Variants in SGCD observed in about 807,000 individuals in gnomAD.
The protein encoded by SGCD is sarcoglycan delta.
SGCD carries 18 observed loss-of-function variants against 36.6 expected under a neutral mutation model. The ratio of observed to expected loss-of-function variants is 0.49; its 90% CI spans 0.34 to 0.73. The LOEUF (loss-of-function observed/expected upper bound fraction) is 0.73. Ranked by LOEUF, SGCD falls within the 30% of genes least tolerant of loss-of-function variation. The pLI is 0.01. For missense variants in SGCD, 387 were observed against 346.7 expected (o/e 1.12, Z -0.92); for synonymous variants, 133 against 130.6 (o/e 1.02, Z -0.12).
the SGCD span, among the ~76,000 whole-genome samples, chr5:155,794,545 A>G: frequency 6.6e-6 from 1 of 152,032 alleles, no homozygotes; most frequent in African/African-American, 2.4e-5. Flanking sequence ...TAATTATTCC[A>G]TAAATAAATT....
rs183170452 is a variant in SGCD, at chr5:156,607,886, G to C, written c.502+12835G>C. Among the ~76,000 whole-genome samples the C allele has an allele frequency of 2.6e-5, 4 of 152,230 alleles. No individual in the cohort carries two copies. The East Asian group carries it at 7.7e-4, about 29-fold the overall frequency. On this transcript the variant is annotated intron_variant, in intron 6 of 8. Transcript: ENST00000337851. ...AGTTTGTATTTCTGTTGGATCGGTG[G>C]TGATATCCCCTTTATCATTTTTTAT...
intron 3 of SGCD, among the ~76,000 whole-genome samples, chr5:156,173,173 T>G (rs1010948187): frequency 1.3e-5 from 2 of 152,094 alleles, no homozygotes; most frequent in African/African-American, 4.8e-5. Context: ...TGGAAGAAAT[T>G]TAGCTAATGT....
chr5:156,271,642 T>A (rs1370866390), intron 3 of SGCD, among the ~76,000 whole-genome samples: 1 of 152,148 alleles, frequency 6.6e-6, no homozygotes, highest in Non-Finnish European at 1.5e-5. Context: ...TATGTGTGTG[T>A]GTGTGAGAGA....
chr5:155,899,206 T>C (rs991016103), intron 1 of SGCD, among the ~76,000 whole-genome samples: 1 of 152,200 alleles, frequency 6.6e-6, no homozygotes, highest in Non-Finnish European at 1.5e-5. Flanking sequence ...GCTGCTCCTG[T>C]TGGTAACCCC....
chr5:156,068,960 T>G (rs187138699), intron 1 of SGCD, among the ~76,000 whole-genome samples: 21,478 of 152,062 alleles, frequency 0.14, 1,805 homozygotes, highest in Non-Finnish European at 0.19. Flanking sequence ...GCCCACTTTT[T>G]GATGGGGTTG....
chr5:156,423,562 T>C (rs1187081182), intron 3 of SGCD, among the ~76,000 whole-genome samples: 1 of 150,098 alleles, frequency 6.7e-6, no homozygotes, highest in African/African-American at 2.5e-5. Flanking sequence ...TCTAGCATCA[T>C]TTCTTGTTTT....
Position 156,068,839 on chromosome 5 carries a change from A to T in SGCD, c.-281-49039A>T, listed in dbSNP as rs1182329347. 2.6e-5 allele frequency among the ~76,000 whole-genome samples: 4 copies of T among 151,760 alleles called. No individual in the cohort carries two copies. The East Asian group carries it at 7.7e-4, about 29-fold the overall frequency. The stretch of plus-strand genomic sequence containing the variant: ...TCTAACTGGTGTGAGATGGTATCTC[A>T]TTGTGGTTTTGATTTGCATTTCTCT... On this transcript the variant is annotated intron_variant, in intron 1 of 9. Coordinates refer to the SGCD transcript ENST00000517913.
chr5:155,994,202 A>G (rs140232936), intron 1 of SGCD, among the ~76,000 whole-genome samples: 3 of 152,222 alleles, frequency 2.0e-5, no homozygotes, highest in Non-Finnish European at 4.4e-5. Flanking sequence ...ACTTGACTTT[A>G]CATTGTGGCT....
chr5:156,313,235 A>G (rs1238057904), intron 3 of SGCD, among the ~76,000 whole-genome samples: 1 of 152,142 alleles, frequency 6.6e-6, no homozygotes, highest in Non-Finnish European at 1.5e-5. Flanking sequence ...TGGTAAAAAA[A>G]AAGCCTGTAT....
intron 3 of SGCD, among the ~76,000 whole-genome samples, chr5:156,286,012 A>C (rs1766587302): frequency 6.6e-6 from 1 of 152,214 alleles, no homozygotes. Flanking sequence ...AAATGGGTGA[A>C]GGATATGAAC....
chr5:155,818,554 G>A, the SGCD span, among the ~76,000 whole-genome samples: 3 of 152,110 alleles, frequency 2.0e-5, no homozygotes, highest in East Asian at 1.9e-4. Context: ...AGAGTCTCAC[G>A]TTGGCATCCA....
chr5:156,434,300 A>G (rs1489690299), intron 3 of SGCD, among the ~76,000 whole-genome samples: 1 of 152,192 alleles, frequency 6.6e-6, no homozygotes, highest in Non-Finnish European at 1.5e-5. Context: ...CAAAACTAAG[A>G]TACACTTTTC....
the SGCD span, among the ~76,000 whole-genome samples, chr5:155,829,062 A>AT: frequency 9.4e-3 from 1,435 of 151,994 alleles, 24 homozygotes; most frequent in African/African-American, 0.033. Flanking sequence ...CCTGGCTGTG[A>AT]TTTTTTATAT....
chr5:155,975,101 G>A (rs905488271), intron 1 of SGCD, among the ~76,000 whole-genome samples: 1 of 152,086 alleles, frequency 6.6e-6, no homozygotes, highest in East Asian at 1.9e-4. Context: ...AGAAGAGCTG[G>A]GAGAGAGAAG....
intron 1 of SGCD, among the ~76,000 whole-genome samples, chr5:156,016,973 G>A (rs747799010): frequency 6.6e-6 from 1 of 152,146 alleles, no homozygotes; most frequent in Non-Finnish European, 1.5e-5. Context: ...TGTTACTCAT[G>A]TGCATATTCT....
At chr5:156,323,457 G>A (rs1767724626), upstream of SGCD, among the ~76,000 whole-genome samples, 1 of 152,184 alleles carries the variant, frequency 6.6e-6, no homozygotes, top group African/African-American at 2.4e-5. Flanking sequence ...AAAGGATAAT[G>A]TAGGAATCTC....
At chr5:155,831,248 T>G in the SGCD span, among the ~76,000 whole-genome samples, 1 of 152,204 alleles carries the variant, frequency 6.6e-6, no homozygotes, top group African/African-American at 2.4e-5. Context: ...CCACCTGCTC[T>G]TGCGGTTTTG....
rs116529049 is a variant in SGCD, at chr5:156,743,991, C to T, written c.576-13590C>T. Among the ~76,000 whole-genome samples, 563 of 152,240 alleles carry T rather than the reference C, an allele frequency of 3.7e-3. 2 individuals are homozygous for T. Among genetic ancestry groups the T allele is most frequent in the African/African-American group, 0.013 (535 of 41,536 alleles). ...TTGAAACTGGTTGAAATTGGTTCCC[C>T]TGAGTACAATGTGTTCAAGCCAAAG... On this transcript the variant is annotated intron_variant, in intron 7 of 8. Transcript: ENST00000337851.
intron 7 of SGCD, chr5:156,703,917 A>G (rs1754633427): frequency 6.6e-6 from 1 of 152,024 alleles, no homozygotes; most frequent in Non-Finnish European, 1.5e-5. Context: ...AACCTGCCAT[A>G]CCTTCTTGTT....
Sources: allele counts gnomAD v4.1 joint callset (sites outside exome capture counted in the v4.1 genomes callset), GRCh38; gene constraint gnomAD v4.1.1; transcripts MANE v1.5; gene names NCBI Gene and HGNC (gene_info 2026-07-23, HGNC 2026-07-21).